The following NBAS variants were observed in gnomAD, a reference collection of about 807,000 sequenced individuals.
NBAS encodes NAG/BC035112 fusion.
NBAS carries 219 observed loss-of-function variants against 302.5 expected under a neutral mutation model. The observed-to-expected ratio is 0.72, with a 90% CI of 0.65 to 0.81. NBAS has a LOEUF of 0.81. Ranked by LOEUF, NBAS falls within the 30% of genes least tolerant of loss-of-function variation. NBAS has a pLI of 0.00. For synonymous variants in NBAS, 1,118 were observed against 1,021.6 expected, an observed-to-expected ratio of 1.09 and a Z score of -1.80; for missense variants, 2,932 against 2,841.6, an observed-to-expected ratio of 1.03 and a Z score of -0.72.
At chr2:15,233,666 T>G (rs931433432) in intron 46 of NBAS, among the ~76,000 whole-genome samples, 1 of 152,138 alleles carries the variant, frequency 6.6e-6, no homozygotes, top group South Asian at 2.1e-4. Context: ...AATTTGAAAT[T>G]TGTTCTTTTT....
rs200744924 is a variant in NBAS at position 15,415,730 on chromosome 2, A to C, written c.2764-11T>G. 8.7e-5 allele frequency: 141 copies of C among 1,613,958 alleles called. No individual in the cohort carries two copies. Among genetic ancestry groups the C allele is most frequent in the Admixed American group, 1.7e-4 (10 of 60,010 alleles). On this transcript the variant is annotated splice_polypyrimidine_tract_variant and intron_variant, in intron 24 of 51. Coordinates refer to ENST00000281513, the MANE Select transcript of NBAS (RefSeq NM_015909.4). The stretch of plus-strand genomic sequence containing the variant: ...TTTATCCTCAGAACACTGAAAGTAC[A>C]ATCAAGCAAAACAGACAAACAAGAA...
the NBAS span, among the ~76,000 whole-genome samples, chr2:14,931,404 CATT>C: frequency 2.0e-5 from 3 of 152,158 alleles, no homozygotes; most frequent in African/African-American, 7.2e-5. Flanking sequence ...TCTGGTGTAT[CATT>C]GATTCTAAGA....
the NBAS span, among the ~76,000 whole-genome samples, chr2:15,011,549 C>T: frequency 6.6e-6 from 1 of 152,264 alleles, no homozygotes; most frequent in African/African-American, 2.4e-5. Flanking sequence ...TATCCTGGGC[C>T]TGAGAACTAG....
chr2:14,931,354 T>A, the NBAS span, among the ~76,000 whole-genome samples: 3 of 152,318 alleles, frequency 2.0e-5, no homozygotes, highest in African/African-American at 7.2e-5. Context: ...AGGGGTTTGC[T>A]GGGCTTGAAG....
chr2:15,034,278 G>GAA, the NBAS span, among the ~76,000 whole-genome samples: 3,612 of 127,264 alleles, frequency 0.028, 280 homozygotes, highest in Middle Eastern at 0.047. Context: ...GAAAGAAAGA[G>GAA]AGAAAGAAAG....
At chr2:14,830,351 C>T in the NBAS span, among the ~76,000 whole-genome samples, 34 of 152,238 alleles carry the variant, frequency 2.2e-4, no homozygotes, top group African/African-American at 7.2e-4. Flanking sequence ...CGTGCCTACA[C>T]TTAAACAGAT....
intron 42 of NBAS, among the ~76,000 whole-genome samples, chr2:15,282,397 T>C (rs1669862971): frequency 6.6e-6 from 1 of 152,196 alleles, no homozygotes; most frequent in Non-Finnish European, 1.5e-5. Context: ...TCTGTTTCAA[T>C]TCAGGAAAAG....
At chr2:14,855,046 T>C in the NBAS span, among the ~76,000 whole-genome samples, 1 of 151,256 alleles carries the variant, frequency 6.6e-6, no homozygotes, top group Non-Finnish European at 1.5e-5. Context: ...GAGGGAAGAG[T>C]GGTGAGAACT....
the NBAS span, among the ~76,000 whole-genome samples, chr2:14,782,425 T>G: frequency 1.1e-3 from 160 of 152,230 alleles, no homozygotes; most frequent in African/African-American, 3.8e-3. Context: ...CTCACACCAG[T>G]CAGAGTGGCT....
At chr2:15,098,683 A>G in the NBAS span, among the ~76,000 whole-genome samples, 499 of 135,590 alleles carry the variant, frequency 3.7e-3, 8 homozygotes, top group African/African-American at 0.013. Context: ...ATTATATATT[A>G]TATATTGTAT....
chr2:15,044,682 T>C, the NBAS span, among the ~76,000 whole-genome samples: 1 of 152,310 alleles, frequency 6.6e-6, no homozygotes, highest in Non-Finnish European at 1.5e-5. Context: ...GGGGTTATAA[T>C]CTATGCTCTG....
chr2:15,021,037 G>A, the NBAS span, among the ~76,000 whole-genome samples: 2 of 152,092 alleles, frequency 1.3e-5, no homozygotes, highest in Admixed American at 6.5e-5. Context: ...TTCGAGATCA[G>A]CCTGACCAAC....
At chr2:15,068,282 G>C in the NBAS span, among the ~76,000 whole-genome samples, 1 of 152,168 alleles carries the variant, frequency 6.6e-6, no homozygotes. Flanking sequence ...AGTTTATGTG[G>C]GGGGAAACAT....
chr2:14,873,651 A>G, the NBAS span, among the ~76,000 whole-genome samples: 1 of 151,740 alleles, frequency 6.6e-6, no homozygotes, highest in South Asian at 2.1e-4. Context: ...TTAAAAATTA[A>G]TAACAAATAT....
chr2:14,896,850 G>A, the NBAS span, among the ~76,000 whole-genome samples: 5 of 152,046 alleles, frequency 3.3e-5, no homozygotes, highest in South Asian at 8.3e-4. Context: ...TAATGTATAA[G>A]CATTTTAATG....
At chr2:15,508,029 G>A (rs1018615050) in intron 10 of NBAS, among the ~76,000 whole-genome samples, 9 of 152,208 alleles carry the variant, frequency 5.9e-5, no homozygotes, top group Admixed American at 5.9e-4. Context: ...AACAATATCT[G>A]CTGCCTGACA....
chr2:15,019,791 C>T, the NBAS span, among the ~76,000 whole-genome samples: 2 of 152,090 alleles, frequency 1.3e-5, no homozygotes, highest in Non-Finnish European at 2.9e-5. Flanking sequence ...GGTTCTCCTT[C>T]CACCATATGA....
intron 12 of NBAS, among the ~76,000 whole-genome samples, chr2:15,488,014 C>A (rs887736384): frequency 3.3e-5 from 5 of 152,184 alleles, no homozygotes; most frequent in African/African-American, 1.2e-4. Flanking sequence ...GAGTCACTTT[C>A]TCTTTTCCTC....
the NBAS span, among the ~76,000 whole-genome samples, chr2:14,961,506 G>A: frequency 6.6e-6 from 1 of 152,042 alleles, no homozygotes; most frequent in South Asian, 2.1e-4. Context: ...TGCCATGAGT[G>A]GAAGCAGCCT....
Sources: allele counts gnomAD v4.1 joint callset (sites outside exome capture counted in the v4.1 genomes callset), GRCh38; gene constraint gnomAD v4.1.1; transcripts MANE v1.5; gene names NCBI Gene and HGNC (gene_info 2026-07-23, HGNC 2026-07-21).